Variants in SUCLG2 observed in about 807,000 individuals in gnomAD.
SUCLG2 encodes the protein succinate--CoA ligase [GDP-forming] subunit beta, mitochondrial.
In SUCLG2, 42 loss-of-function variants were observed where a neutral mutation model predicts 47.9. The observed-to-expected ratio is 0.88, with a 90% CI of 0.69 to 1.14. The LOEUF is 1.14. Ranked by LOEUF, SUCLG2 falls within the 50% of genes most tolerant of loss-of-function variation. The pLI, the probability that SUCLG2 is intolerant of heterozygous loss-of-function variation, is 0.00. For synonymous variants in SUCLG2, 195 were observed against 197.3 expected (o/e 0.99, Z 0.10); for missense variants, 571 against 525.9 (o/e 1.09, Z -0.84).
At chr3:67,562,488 G>C (rs564054591) in intron 2 of SUCLG2, among the ~76,000 whole-genome samples, 4 of 152,304 alleles carry the variant, frequency 2.6e-5, no homozygotes, top group African/African-American at 9.6e-5. Context: ...ATGTTGGCCA[G>C]GCTGGTCTCG....
chr3:67,415,868 T>A (rs1042305025), intron 9 of SUCLG2, among the ~76,000 whole-genome samples: 2 of 152,202 alleles, frequency 1.3e-5, no homozygotes, highest in East Asian at 1.9e-4. Context: ...ATGGTACACA[T>A]GACAGTGTGC....
chr3:67,395,521 A>C (rs1309610998), intron 10 of SUCLG2, among the ~76,000 whole-genome samples: 1 of 152,242 alleles, frequency 6.6e-6, no homozygotes, highest in Non-Finnish European at 1.5e-5. Context: ...AGATTCATAA[A>C]GCAAGTCCTG....
intron 2 of SUCLG2, among the ~76,000 whole-genome samples, chr3:67,578,352 T>C (rs1707797629): frequency 6.6e-6 from 1 of 150,882 alleles, no homozygotes; most frequent in South Asian, 2.1e-4. Flanking sequence ...GGTAAAGAAA[T>C]AGTGGCAACT....
At chr3:67,556,473 G>A (rs561976524) in intron 2 of SUCLG2, among the ~76,000 whole-genome samples, 2 of 152,258 alleles carry the variant, frequency 1.3e-5, no homozygotes, top group African/African-American at 4.8e-5. Flanking sequence ...ATTGTACTTG[G>A]AATTTTTCCC....
chr3:67,614,458 T>C (rs1395265129), intron 1 of SUCLG2, among the ~76,000 whole-genome samples: 3 of 151,658 alleles, frequency 2.0e-5, no homozygotes, highest in African/African-American at 4.8e-5. Context: ...CAACACCATT[T>C]CCTTCCTCTC....
chr3:67,454,730 A>C (rs1704142206), intron 9 of SUCLG2, among the ~76,000 whole-genome samples: 1 of 152,182 alleles, frequency 6.6e-6, no homozygotes, highest in Admixed American at 6.5e-5. Flanking sequence ...TGGGAGGCCA[A>C]GGCGGGTGGA....
At chr3:67,555,301 A>G (rs548436383) in intron 2 of SUCLG2, among the ~76,000 whole-genome samples, 3 of 152,318 alleles carry the variant, frequency 2.0e-5, no homozygotes, top group Admixed American at 6.5e-5. Flanking sequence ...ATGTTTATGT[A>G]TGTAAATGTA....
At chr3:67,522,661 CTTTTTT>C (rs201002662) in intron 4 of SUCLG2, among the ~76,000 whole-genome samples, 1 of 134,468 alleles carries the variant, frequency 7.4e-6, no homozygotes, top group African/African-American at 2.7e-5. Context: ...GCTTTTCTTT[CTTTTTT>C]TTTTTTTTTT....
chr3:67,510,548 C>T (rs187219013), intron 6 of SUCLG2, among the ~76,000 whole-genome samples: 12 of 152,160 alleles, frequency 7.9e-5, no homozygotes, highest in African/African-American at 1.7e-4. Context: ...TAACACAGTA[C>T]GCATTCCTCC....
At chr3:67,428,216 T>C (rs1054644891) in intron 9 of SUCLG2, among the ~76,000 whole-genome samples, 6 of 152,192 alleles carry the variant, frequency 3.9e-5, no homozygotes, top group Non-Finnish European at 8.8e-5. Flanking sequence ...TGACACCTCA[T>C]ACAGCAGGGT....
chr3:67,433,791 C>T (rs541209926), intron 9 of SUCLG2, among the ~76,000 whole-genome samples: 12 of 148,146 alleles, frequency 8.1e-5, no homozygotes, highest in South Asian at 4.2e-4. Flanking sequence ...GTATGAGGTG[C>T]GGGATTTAGT....
intron 7 of SUCLG2, 46 bp from the exon 8 acceptor site, chr3:67,498,341 C>G: frequency 1.3e-6 from 2 of 1,591,852 alleles, no homozygotes; most frequent in Non-Finnish European, 1.7e-6. Context: ...TCTTGAGGAT[C>G]TATAAATTAA....
At chr3:67,445,628 TAAAAAAA>T in intron 9 of SUCLG2, among the ~76,000 whole-genome samples, 1 of 5,850 alleles carries the variant, frequency 1.7e-4, no homozygotes, top group South Asian at 0.012. Context: ...AAAAATAAAT[TAAAAAAA>T]AAAAAAAAAA....
At chr3:67,464,308 TAAGA>T (rs1469840417) in intron 9 of SUCLG2, among the ~76,000 whole-genome samples, 1 of 152,148 alleles carries the variant, frequency 6.6e-6, no homozygotes, top group Non-Finnish European at 1.5e-5. Flanking sequence ...TTCACAGCTC[TAAGA>T]AAGTAAGAAG....
intron 2 of SUCLG2, among the ~76,000 whole-genome samples, chr3:67,592,445 A>G (rs939373651): frequency 6.6e-6 from 1 of 152,180 alleles, no homozygotes; most frequent in Non-Finnish European, 1.5e-5. Context: ...ACAATCTCTC[A>G]TATGATATCT....
chr3:67,474,534 A>G (rs1704694571), intron 9 of SUCLG2, among the ~76,000 whole-genome samples: 1 of 152,168 alleles, frequency 6.6e-6, no homozygotes, highest in African/African-American at 2.4e-5. Flanking sequence ...AAGTCTTCCT[A>G]TATTTGCTCA....
chr3:67,489,441 C>T (rs183883249), intron 9 of SUCLG2, among the ~76,000 whole-genome samples: 2 of 152,218 alleles, frequency 1.3e-5, no homozygotes, highest in Non-Finnish European at 2.9e-5. Flanking sequence ...CTGATCAACA[C>T]AAAATTAATC....
In SUCLG2 at chr3:67,375,556, G is replaced by A. The variant is rs3206427; in HGVS notation, c.*188C>T. 146,824 of 1,381,566 alleles carry A rather than the reference G, an allele frequency of 0.11. 8,416 individuals carry two copies. Among genetic ancestry groups the A allele is most frequent in the Middle Eastern group, 0.12 (433 of 3,676 alleles). 85.6% of individuals were successfully genotyped at this position (1,381,566 alleles called of 1,614,324 possible). A position where few individuals can be genotyped will look rare whatever the true frequency, so the allele number is the denominator to read the frequency against. On this transcript the variant is annotated 3_prime_UTR_variant, in exon 11 of 11. Coordinates refer to ENST00000307227, the MANE Select transcript of SUCLG2 (RefSeq NM_003848.4). Reference sequence around the variant, plus strand: ...GAACACAAGATATTATTTTTATAAAGACCAAAATCAGATTTAGGCTGTCTA... The same window carrying A: ...GAACACAAGATATTATTTTTATAAAAACCAAAATCAGATTTAGGCTGTCTA...
rs141141751 is a variant in SUCLG2 at position 67,651,932 on chromosome 3, T to C, written c.84+2571A>G. ...GGCTGAAATCATTTTCATTATTGGT[T>C]ATATGTGTACTGGCTCACTCTCTCC... On this transcript the variant is annotated intron_variant, in intron 1 of 10. Coordinates refer to ENST00000307227, the MANE Select transcript of SUCLG2 (RefSeq NM_003848.4). 2.8e-3 allele frequency among the ~76,000 whole-genome samples: 426 copies of C among 152,260 alleles called. 3 individuals are homozygous for C. The highest frequency in any genetic ancestry group is 2.4e-3 in the Non-Finnish European group (164 of 68,020).
Sources: allele counts gnomAD v4.1 joint callset (sites outside exome capture counted in the v4.1 genomes callset), GRCh38; gene constraint gnomAD v4.1.1; transcripts MANE v1.5; gene names NCBI Gene and HGNC (gene_info 2026-07-23, HGNC 2026-07-21).